The following WWOX variants were observed in gnomAD, a reference collection of about 807,000 sequenced individuals.
The protein encoded by WWOX is WW domain-containing oxidoreductase.
In WWOX, 69 loss-of-function variants were observed where a neutral mutation model predicts 46.2. That is an observed-to-expected ratio of 1.49 (90% confidence interval 1.23 to 1.82). The LOEUF is 1.82. Ranked by LOEUF, WWOX falls within the 40% of genes most tolerant of loss-of-function variation. The pLI is 0.00. For missense variants in WWOX, 919 were observed against 542.6 expected, an observed-to-expected ratio of 1.69 and a Z score of -6.89; for synonymous variants, 359 against 202.6, an observed-to-expected ratio of 1.77 and a Z score of -6.56.
chr16:78,829,764 A>C (rs575039844), intron 8 of WWOX, among the ~76,000 whole-genome samples: 1 of 152,216 alleles, frequency 6.6e-6, no homozygotes, highest in African/African-American at 2.4e-5. Context: ...GAGTATCCCA[A>C]GATCCTACAG....
intron 8 of WWOX, among the ~76,000 whole-genome samples, chr16:78,993,076 C>T (rs1031355674): frequency 2.6e-5 from 4 of 151,886 alleles, no homozygotes; most frequent in African/African-American, 9.7e-5. Context: ...TTTTCCCCTT[C>T]TTTCGGGGAG....
At chr16:78,488,013 C>G (rs1349989349) in intron 8 of WWOX, among the ~76,000 whole-genome samples, 1 of 152,142 alleles carries the variant, frequency 6.6e-6, no homozygotes, top group African/African-American at 2.4e-5. Flanking sequence ...AATGGGGCTT[C>G]TAAAATAAGT....
intron 8 of WWOX, among the ~76,000 whole-genome samples, chr16:79,094,142 C>T (rs1300954022): frequency 1.3e-5 from 2 of 152,038 alleles, no homozygotes; most frequent in East Asian, 1.9e-4. Context: ...TCCTCATTTA[C>T]AAACAACTGT....
intron 8 of WWOX, among the ~76,000 whole-genome samples, chr16:78,887,077 G>GTGGTGT (rs1555559537): frequency 1.1e-4 from 7 of 61,314 alleles, no homozygotes; most frequent in African/African-American, 2.3e-4. Context: ...GTGTGTGTGT[G>GTGGTGT]GTGTGTGTGT....
chr16:78,429,734 A>T (rs931936510), intron 7 of WWOX, among the ~76,000 whole-genome samples: 1 of 152,212 alleles, frequency 6.6e-6, no homozygotes, highest in Non-Finnish European at 1.5e-5. Context: ...GTTGAAATAA[A>T]GTTAGCAAAT....
At chr16:78,420,970 G>C (rs1220606101) in intron 6 of WWOX, among the ~76,000 whole-genome samples, 1 of 152,100 alleles carries the variant, frequency 6.6e-6, no homozygotes, top group Non-Finnish European at 1.5e-5. Flanking sequence ...AATTGAGAAA[G>C]TTTGGGAACC....
At chr16:79,093,117 A>G (rs910056620) in intron 8 of WWOX, among the ~76,000 whole-genome samples, 1 of 152,222 alleles carries the variant, frequency 6.6e-6, no homozygotes. Flanking sequence ...GCCATTTCAT[A>G]GACAAGTCTA....
chr16:79,076,031 G>A (rs922054862), intron 8 of WWOX, among the ~76,000 whole-genome samples: 12 of 152,100 alleles, frequency 7.9e-5, no homozygotes, highest in Non-Finnish European at 1.5e-4. Flanking sequence ...TACAGTATAT[G>A]TAGAACCATT....
At chr16:78,836,664 C>T (rs143064747) in intron 8 of WWOX, among the ~76,000 whole-genome samples, 99 of 152,224 alleles carry the variant, frequency 6.5e-4, no homozygotes, top group African/African-American at 2.2e-3. Flanking sequence ...AGGCCATTTG[C>T]GGGGTGTAGA....
In WWOX at chr16:78,338,314, C is replaced by T. The variant is rs1438478681; in HGVS notation, c.517-48546C>T. On this transcript the variant is annotated intron_variant, in intron 5 of 8. Coordinates refer to ENST00000566780, the MANE Select transcript of WWOX (RefSeq NM_016373.4). ...GTAGACACCAACACCCTCATGGATT[C>T]CCAGCTGCTGAGAGTTTGAATAGTA... Among the ~76,000 whole-genome samples the T allele has an allele frequency of 2.5e-5, 3 of 121,552 alleles. 1 individual carries two copies. Among genetic ancestry groups the T allele is most frequent in the African/African-American group, 8.4e-5 (3 of 35,838 alleles). 79.7% of individuals were successfully genotyped at this position (121,552 alleles called of 152,430 possible).
At chr16:78,883,973 T>C (rs2044397924) in intron 8 of WWOX, among the ~76,000 whole-genome samples, 1 of 152,126 alleles carries the variant, frequency 6.6e-6, no homozygotes, top group African/African-American at 2.4e-5. Flanking sequence ...TAAGTATATC[T>C]GATCCCCTAG....
At chr16:78,323,059 A>G (rs1389745780) in intron 5 of WWOX, among the ~76,000 whole-genome samples, 1 of 152,058 alleles carries the variant, frequency 6.6e-6, no homozygotes, top group Non-Finnish European at 1.5e-5. Context: ...AGAAAATAAA[A>G]CAGGCGTTCC....
chr16:78,615,772 G>T (rs370007192), intron 8 of WWOX, among the ~76,000 whole-genome samples: 4 of 150,416 alleles, frequency 2.7e-5, no homozygotes, highest in Middle Eastern at 3.4e-3. Context: ...TTTTTTTGAG[G>T]CGGAGTCTCA....
chr16:78,850,952 C>A (rs150353072), intron 8 of WWOX, among the ~76,000 whole-genome samples: 1 of 152,170 alleles, frequency 6.6e-6, no homozygotes, highest in African/African-American at 2.4e-5. Flanking sequence ...GGGAGTGTGC[C>A]AACACCTCTC....
At chr16:79,150,774 C>T (rs1040872548) in intron 8 of WWOX, among the ~76,000 whole-genome samples, 10 of 152,084 alleles carry the variant, frequency 6.6e-5, no homozygotes, top group East Asian at 3.9e-4. Context: ...CCTGGGTAGC[C>T]GGGACTACAG....
At chr16:78,732,790 T>C (rs760308033) in intron 8 of WWOX, among the ~76,000 whole-genome samples, 2 of 152,100 alleles carry the variant, frequency 1.3e-5, no homozygotes, top group African/African-American at 4.8e-5. Flanking sequence ...TTTCTTATGG[T>C]TTTGGAATCT....
At chr16:78,258,564 T>C (rs2038190556) in intron 5 of WWOX, among the ~76,000 whole-genome samples, 1 of 152,012 alleles carries the variant, frequency 6.6e-6, no homozygotes, top group African/African-American at 2.4e-5. Context: ...CCTTGACAGT[T>C]CCATGGAATT....
At position 78,110,002 on chromosome 16, in the gene WWOX, G is replaced by A. The variant is rs376261938; in HGVS notation, c.230+167G>A. ...TAACATCGCTGGAACTTTTAACATCGCTAGATTTATTCTTCTATTTTCCCC... is the reference window on the plus strand; with the variant it reads ...TAACATCGCTGGAACTTTTAACATCACTAGATTTATTCTTCTATTTTCCCC... On this transcript the variant is annotated intron_variant, in intron 3 of 8. Coordinates refer to ENST00000566780, the MANE Select transcript of WWOX (RefSeq NM_016373.4). Among the ~76,000 whole-genome samples, 39 of 151,546 alleles carry A rather than the reference G, an allele frequency of 2.6e-4. No individual in the cohort carries two copies. In the South Asian group the frequency reaches 6.1e-3, roughly 24 times the overall value.
chr16:78,878,780 C>A (rs924322761), intron 8 of WWOX, among the ~76,000 whole-genome samples: 13 of 151,602 alleles, frequency 8.6e-5, no homozygotes, highest in African/African-American at 2.7e-4. Context: ...CCAGGCCAGG[C>A]TTATGGCTGT....
Sources: allele counts gnomAD v4.1 joint callset (sites outside exome capture counted in the v4.1 genomes callset), GRCh38; gene constraint gnomAD v4.1.1; transcripts MANE v1.5; gene names NCBI Gene and HGNC (gene_info 2026-07-23, HGNC 2026-07-21).